TMEM8B: variants seen among roughly 807,000 people sequenced by gnomAD.
TMEM8B encodes transmembrane protein 8B.
In TMEM8B, 29 loss-of-function variants were observed where a neutral mutation model predicts 49.3. That is an observed-to-expected ratio of 0.59 (90% CI 0.44 to 0.80). The LOEUF (loss-of-function observed/expected upper bound fraction) is 0.80, where lower values mean the gene tolerates loss of function less well. Ranked by LOEUF, TMEM8B falls within the 30% of genes least tolerant of loss-of-function variation. The pLI, the probability that TMEM8B is intolerant of heterozygous loss-of-function variation, is 0.00. For synonymous variants in TMEM8B, 264 were observed against 272.8 expected, an observed-to-expected ratio of 0.97 and a Z score of 0.32; for missense variants, 575 against 658.5, an observed-to-expected ratio of 0.87 and a Z score of 1.39.
intron 6 of TMEM8B, among the ~76,000 whole-genome samples, chr9:35,844,184 G>C (rs1185043192): frequency 6.6e-6 from 1 of 152,228 alleles, no homozygotes; most frequent in Non-Finnish European, 1.5e-5. Context: ...TTTTTGCAGT[G>C]AATTTTTGAA....
rs1832450811 is a variant in TMEM8B, at chr9:35,854,750, CAGAA to C, written c.*911_*914del. The C allele has an allele frequency of 6.6e-6, 1 of 152,132 alleles. No homozygotes were observed. Among genetic ancestry groups the C allele is most frequent in the Non-Finnish European group, 1.5e-5 (1 of 68,044 alleles). 9.4% of individuals were successfully genotyped at this position (152,132 alleles called of 1,614,324 possible). ...TTCCTTATGATGCCCACACCCAACA[CAGAA>C]GGAAGCCGAGGTCCCAGGAAATTGG... is the stretch of plus-strand genomic sequence containing the variant. On this transcript the variant is annotated 3_prime_UTR_variant, in exon 13 of 13. Coordinates refer to ENST00000643932, the MANE Select transcript of TMEM8B (RefSeq NM_001042590.4).
rs1483042103 is a variant in TMEM8B, at chr9:35,853,041, C to T, written c.2322+68C>T. The T allele has an allele frequency of 6.2e-7, 1 of 1,610,584 alleles. No homozygotes were observed. Among genetic ancestry groups the T allele is most frequent in the Non-Finnish European group, 8.5e-7 (1 of 1,177,478 alleles). On this transcript the variant is annotated intron_variant, in intron 11 of 12. Coordinates refer to ENST00000643932, the MANE Select transcript of TMEM8B (RefSeq NM_001042590.4). The surrounding 1 kb of genome is among the most constrained non-coding windows in gnomAD (Gnocchi z 4.2). The stretch of plus-strand genomic sequence containing the variant: ...TCCTTGAAATCCACTCCTGACCTCT[C>T]CCTGGGGGCATTTCCAAGTGCCTCT...
Position 35,846,826 on chromosome 9 carries a change from G to A in TMEM8B, c.2006G>A (p.Gly669Asp). The A allele has an allele frequency of 6.2e-6, 10 of 1,613,206 alleles. No homozygotes were observed. The highest frequency in any genetic ancestry group is 8.5e-6 in the Non-Finnish European group (10 of 1,179,530). Residue 669 changes from glycine to aspartate, a missense_variant, in exon 10 of 13, where the codon GGC (glycine) becomes GAC (aspartate). Gly to Asp is a moderately conservative substitution (Grantham distance 94). Coordinates refer to ENST00000643932, the MANE Select transcript of TMEM8B (RefSeq NM_001042590.4). The part of the protein sequence containing the change: ...AACECKAGWR[G>D]WGCTDSADAL... ...CCTTCCCCACCCGCAGGGTGGAGAG[G>A]CTGGGGCTGCACCGACAGTGCAGAT... is the stretch of plus-strand genomic sequence containing the variant.
rs1256257370 is a variant in TMEM8B, at chr9:35,841,787, G to A, written c.1302G>A (p.Arg434=). 6 of 415,930 alleles carry A rather than the reference G, an allele frequency of 1.4e-5. No individual in the cohort carries two copies. The highest frequency in any genetic ancestry group is 2.6e-5 in the Non-Finnish European group (6 of 226,518). The allele number at this position is 415,930 out of a possible 1,614,324, so 25.8% of individuals were successfully genotyped here. The part of the protein sequence containing the change: ...GRTIRFQLCV[R]LQECPQPGLL... Reference sequence around the variant, plus strand: ...CCATCCGCTTCCAGCTGTGTGTGCGGTTGCAAGGTCAGAACCCCTGCATTT... The same window carrying A: ...CCATCCGCTTCCAGCTGTGTGTGCGATTGCAAGGTCAGAACCCCTGCATTT... The change falls in exon 5 of 13, where the codon CGG becomes CGA. Residue 434 remains arginine (R), a synonymous_variant. Coordinates refer to ENST00000643932, the MANE Select transcript of TMEM8B (RefSeq NM_001042590.4). This position sits in a 1 kb window ranked among gnomAD's most constrained non-coding sequence, Gnocchi z 5.9.
In TMEM8B at chr9:35,853,677, G is replaced by T; in HGVS notation, c.2612G>T (p.Gly871Val). Residue 871 changes from glycine (G) to valine (V), a missense_variant, in exon 13 of 13, where the codon GGC becomes GTC. Physicochemically the swap from Gly to Val is moderately radical, Grantham distance 109 (BLOSUM62 -3). Transcript: ENST00000643932. The surrounding 1 kb of genome is among the most constrained non-coding windows in gnomAD (Gnocchi z 4.2). The part of the protein sequence containing the change: ...IHSIWHMLIA[G>V]SVGFLLPPRA... ...AGCATTTGGCATATGCTCATTGCGG[G>T]CAGTGTGGGCTTCCTGCTGCCCCCT... The T allele has an allele frequency of 6.2e-7, 1 of 1,614,200 alleles. No homozygotes were observed. Among genetic ancestry groups the T allele is most frequent in the Non-Finnish European group, 8.5e-7 (1 of 1,180,030 alleles).
intron 8 of TMEM8B, 36 bp downstream of exon 8, chr9:35,846,417 G>T (rs753709658): frequency 1.2e-6 from 2 of 1,601,620 alleles, no homozygotes; most frequent in South Asian, 1.1e-5. Flanking sequence ...GCTGGGACCG[G>T]GACTTGGCGG....
In TMEM8B at chr9:35,862,337, T is replaced by C. The variant is rs1832667261; in HGVS notation, c.*8497T>C. 6.6e-6 allele frequency: 1 copy of C among 152,248 alleles called. No individual in the cohort carries two copies. The highest frequency in any genetic ancestry group is 1.5e-5 in the Non-Finnish European group (1 of 68,054). The allele number at this position is 152,248 out of a possible 1,614,324, so 9.4% of individuals were successfully genotyped here. A position where few individuals can be genotyped will look rare whatever the true frequency, so the allele number is the denominator to read the frequency against. On this transcript the variant is annotated 3_prime_UTR_variant, in exon 13 of 13. Transcript: ENST00000643932. ...ACCTGAAATCTGGAAAGCAGAACTA[T>C]AAGAGCTTTGTTTCTGATGGGGGTG...
At chr9:35,839,699 T>C (rs1588142033) in intron 3 of TMEM8B, among the ~76,000 whole-genome samples, 1 of 152,090 alleles carries the variant, frequency 6.6e-6, no homozygotes, top group African/African-American at 2.4e-5. Flanking sequence ...ACTCATTCAC[T>C]ACAAGATTAT....
rs1830245961 is a variant in TMEM8B, at chr9:35,834,488, C to T, written c.536C>T (p.Thr179Ile). ...AGGLFLTDYS[T>I]CSPRKLSPFR... Reference sequence around the variant, plus strand: ...GGCCTTTTCCTGACTGATTACTCCACCTGCTCACCCCGCAAGCTGAGTCCT... The same window carrying T: ...GGCCTTTTCCTGACTGATTACTCCATCTGCTCACCCCGCAAGCTGAGTCCT... The change falls in exon 2 of 13, where the codon ACC (threonine) becomes ATC (isoleucine). Residue 179 changes from threonine to isoleucine, a missense_variant. By Grantham distance (89) the Thr-to-Ile change is moderately conservative. Coordinates refer to ENST00000643932, the MANE Select transcript of TMEM8B (RefSeq NM_001042590.4). The T allele has an allele frequency of 1.2e-5, 5 of 416,448 alleles. No individual in the cohort carries two copies. The highest frequency in any genetic ancestry group is 1.3e-4 in the South Asian group (1 of 7,954). 25.8% of individuals were successfully genotyped at this position (416,448 alleles called of 1,614,324 possible).
At position 35,841,217 on chromosome 9, in the gene TMEM8B, C is replaced by G. The variant is rs1830952256; in HGVS notation, c.990C>G (p.Gly330=). 1 of 416,122 alleles carries G rather than the reference C, an allele frequency of 2.4e-6. No homozygotes were observed. Among genetic ancestry groups the G allele is most frequent in the African/African-American group, 2.1e-5 (1 of 48,670 alleles). 25.8% of individuals were successfully genotyped at this position (416,122 alleles called of 1,614,324 possible). A position where few individuals can be genotyped will look rare whatever the true frequency, so the allele number is the denominator to read the frequency against. The change falls in exon 4 of 13, where the codon GGC becomes GGG. Residue 330 remains glycine (G), a synonymous_variant. Transcript: ENST00000643932. The surrounding 1 kb of genome is among the most constrained non-coding windows in gnomAD (Gnocchi z 5.9). ...RLLDVAVLVP[G]RPSEQTLSPH... is the part of the protein sequence containing the mutation. Reference sequence around the variant, plus strand: ...TGGACGTCGCTGTGCTGGTTCCTGGCCGGCCCTCAGAGCAAACCCTCTCCC... The same window carrying G: ...TGGACGTCGCTGTGCTGGTTCCTGGGCGGCCCTCAGAGCAAACCCTCTCCC...
Position 35,856,663 on chromosome 9 carries a change from G to A in TMEM8B, c.*2823G>A, listed in dbSNP as rs147993927. On this transcript the variant is annotated 3_prime_UTR_variant, in exon 13 of 13. Coordinates refer to ENST00000643932, the MANE Select transcript of TMEM8B (RefSeq NM_001042590.4). Reference sequence around the variant, plus strand: ...GTGAAGCCTTCTTAAAGCAATATCGGTGGAAAGGAGGGGACCAATTTAAGA... The same window carrying A: ...GTGAAGCCTTCTTAAAGCAATATCGATGGAAAGGAGGGGACCAATTTAAGA... 2 of 152,346 alleles carry A rather than the reference G, an allele frequency of 1.3e-5. No homozygotes were observed. Among genetic ancestry groups the A allele is most frequent in the African/African-American group, 4.8e-5 (2 of 41,566 alleles). 9.4% of individuals were successfully genotyped at this position (152,346 alleles called of 1,614,324 possible). A position where few individuals can be genotyped will look rare whatever the true frequency, so the allele number is the denominator to read the frequency against.
Position 35,853,675 on chromosome 9 carries a change from G to A in TMEM8B, c.2610G>A (p.Ala870=), listed in dbSNP as rs757862700. The change falls in exon 13 of 13, where the codon GCG becomes GCA. Residue 870 remains alanine, a synonymous_variant. Coordinates refer to ENST00000643932, the MANE Select transcript of TMEM8B (RefSeq NM_001042590.4). This position sits in a 1 kb window ranked among gnomAD's most constrained non-coding sequence, Gnocchi z 4.2. ...YIHSIWHMLI[A]GSVGFLLPPR... Reference sequence around the variant, plus strand: ...ACAGCATTTGGCATATGCTCATTGCGGGCAGTGTGGGCTTCCTGCTGCCCC... The same window carrying A: ...ACAGCATTTGGCATATGCTCATTGCAGGCAGTGTGGGCTTCCTGCTGCCCC... 17 of 1,614,166 alleles carry A rather than the reference G, an allele frequency of 1.1e-5. No individual in the cohort carries two copies. Among genetic ancestry groups the A allele is most frequent in the Admixed American group, 5.0e-5 (3 of 60,034 alleles).
rs1274104276 is a variant in TMEM8B, at chr9:35,834,629, G to T, written c.677G>T (p.Cys226Phe). ...CAAGGGGGAACTTTTGGGGACCACT[G>T]CCCAGACCAAAGTGTGACTGTGTGA... Reference protein sequence around the residue: ...KEQGGTFGDHCPDQSVTVYFR... With the variant: ...KEQGGTFGDHFPDQSVTVYFR... Residue 226 changes from cysteine (C) to phenylalanine (F), a missense_variant, in exon 2 of 13, where the codon TGC becomes TTC. Cys to Phe is a radical substitution (Grantham distance 205). Transcript: ENST00000643932. 4 of 415,754 alleles carry T rather than the reference G, an allele frequency of 9.6e-6. No individual in the cohort carries two copies. Among genetic ancestry groups the T allele is most frequent in the Non-Finnish European group, 1.8e-5 (4 of 226,434 alleles). The allele number at this position is 415,754 out of a possible 1,614,324, so 25.8% of individuals were successfully genotyped here.
chr9:35,853,521 G>T lies in TMEM8B; in HGVS notation c.2456G>T (p.Arg819Leu). 6.2e-7 allele frequency: 1 copy of T among 1,613,202 alleles called. No homozygotes were observed. Among genetic ancestry groups the T allele is most frequent in the Non-Finnish European group, 8.5e-7 (1 of 1,179,820 alleles). Residue 819 changes from arginine to leucine, a missense_variant, in exon 13 of 13, where the codon CGC (arginine) becomes CTC (leucine). Physicochemically the swap from Arg to Leu is moderately radical, Grantham distance 102 (BLOSUM62 -2). Transcript: ENST00000643932. This position sits in a 1 kb window ranked among gnomAD's most constrained non-coding sequence, Gnocchi z 4.2. ...CTCCCCCAGACAGTACGCAGCGTCC[G>T]CCGCCGGCACTGCTACCCACCCACG... is the stretch of plus-strand genomic sequence containing the variant. ...LATAWTVRSV[R>L]RRHCYPPTWR...
intron 3 of TMEM8B, among the ~76,000 whole-genome samples, chr9:35,838,872 A>G (rs1830697787): frequency 6.6e-6 from 1 of 152,206 alleles, no homozygotes; most frequent in Non-Finnish European, 1.5e-5. Context: ...AGTCTTGTTG[A>G]CGCTACTTCT....
Position 35,852,918 on chromosome 9 carries a change from T to C in TMEM8B, c.2267T>C (p.Met756Thr), listed in dbSNP as rs1318601227. 1.9e-6 allele frequency: 3 copies of C among 1,614,254 alleles called. No homozygotes were observed. In the South Asian group the frequency reaches 3.3e-5, roughly 18 times the overall value. The change falls in exon 11 of 13, where the codon ATG (methionine) becomes ACG (threonine). Residue 756 changes from methionine to threonine, a missense_variant. Transcript: ENST00000643932. ...LQFCDFLGSLMSVWVTVIAMA... is the reference protein window; with the variant it reads ...LQFCDFLGSLTSVWVTVIAMA... ...TTCTGTGATTTCCTGGGCTCCTTAA[T>C]GTCCGTGTGGGTCACTGTCATTGCC...
chr9:35,834,077 A>G lies in TMEM8B; in HGVS notation c.509-384A>G, dbSNP rs1224013857. ...ACACACACACACACACACACCTTCC[A>G]CACATCTGTTTTTTTTAGGTTTGGT... On this transcript the variant is annotated intron_variant, in intron 1 of 12. Coordinates refer to ENST00000643932, the MANE Select transcript of TMEM8B (RefSeq NM_001042590.4). Among the ~76,000 whole-genome samples the G allele has an allele frequency of 1.2e-4, 14 of 117,674 alleles. No homozygotes were observed. The Admixed American group carries it at 1.2e-3, about 10-fold the overall frequency. The allele number at this position is 117,674 out of a possible 152,430, so 77.2% of individuals were successfully genotyped here. A position where few individuals can be genotyped will look rare whatever the true frequency, so the allele number is the denominator to read the frequency against.
In TMEM8B at chr9:35,842,557, C is replaced by T. The variant is rs145899989; in HGVS notation, c.1475C>T (p.Pro492Leu). Residue 492 changes from proline (P) to leucine (L), a missense_variant, in exon 6 of 13, where the codon CCG becomes CTG. Pro to Leu is a moderately conservative substitution (Grantham distance 98). Coordinates refer to ENST00000643932, the MANE Select transcript of TMEM8B (RefSeq NM_001042590.4). This position sits in a 1 kb window ranked among gnomAD's most constrained non-coding sequence, Gnocchi z 5.6. ...SPPEHCWPVR[P>L]TLRNELDTFS... is the part of the protein sequence containing the mutation. ...CCCGAGCACTGCTGGCCAGTGCGCC[C>T]GACTCTGCGCAACGAGCTGGACACC... 5.0e-5 allele frequency: 81 copies of T among 1,614,086 alleles called. No individual in the cohort carries two copies. The highest frequency in any genetic ancestry group is 6.4e-5 in the Non-Finnish European group (75 of 1,180,050).
Position 35,855,848 on chromosome 9 carries a change from G to A in TMEM8B, c.*2008G>A, listed in dbSNP as rs1240122243. On this transcript the variant is annotated 3_prime_UTR_variant, in exon 13 of 13. Coordinates refer to ENST00000643932, the MANE Select transcript of TMEM8B (RefSeq NM_001042590.4). ...ACTGAGCAGAGAATGGTGTGGCCAA[G>A]TGAGTAGTGAGAAGCAGTGAGGAGG... The A allele has an allele frequency of 6.6e-6, 1 of 152,262 alleles. No homozygotes were observed. The highest frequency in any genetic ancestry group is 1.9e-4 in the East Asian group (1 of 5,202). The allele number at this position is 152,262 out of a possible 1,614,324, so 9.4% of individuals were successfully genotyped here. A position where few individuals can be genotyped will look rare whatever the true frequency, so the allele number is the denominator to read the frequency against.
Sources: allele counts gnomAD v4.1 joint callset (sites outside exome capture counted in the v4.1 genomes callset), GRCh38; gene constraint gnomAD v4.1.1; non-coding constraint Gnocchi (gnomAD v3.1); transcripts MANE v1.5; gene names NCBI Gene and HGNC (gene_info 2026-07-23, HGNC 2026-07-21).